Variants in MAMDC2 observed in about 807,000 individuals in gnomAD.
The protein encoded by MAMDC2 is MAM domain-containing protein 2.
A neutral mutation model predicts 89.8 loss-of-function variants in MAMDC2; 57 were observed. The ratio of observed to expected loss-of-function variants is 0.63; its 90% CI spans 0.51 to 0.79. MAMDC2 has a LOEUF of 0.79. MAMDC2 is among the 30% of genes least tolerant of loss of function. MAMDC2 has a pLI of 0.00. For missense variants in MAMDC2, 800 were observed against 820.6 expected (o/e 0.97, Z 0.31); for synonymous variants, 313 against 293.4 (o/e 1.07, Z -0.68).
chr9:70,107,249 A>G (rs965934123), intron 2 of MAMDC2, among the ~76,000 whole-genome samples: 22 of 152,326 alleles, frequency 1.4e-4, no homozygotes, highest in East Asian at 9.7e-4. Flanking sequence ...CTTGGCTTCA[A>G]TGCCCCACCA....
chr9:70,117,270 T>C (rs1037356172), intron 5 of MAMDC2, among the ~76,000 whole-genome samples: 3 of 152,164 alleles, frequency 2.0e-5, no homozygotes, highest in African/African-American at 7.2e-5. Flanking sequence ...ATGGCACATA[T>C]ACACCATGGA....
chr9:70,179,300 CAGG>C (rs1271792575), intron 11 of MAMDC2, among the ~76,000 whole-genome samples: 1 of 151,830 alleles, frequency 6.6e-6, no homozygotes, highest in Non-Finnish European at 1.5e-5. Context: ...ATCACGAGGT[CAGG>C]AGATCGAGAC....
intron 2 of MAMDC2, among the ~76,000 whole-genome samples, chr9:70,076,734 T>G (rs917995803): frequency 6.6e-6 from 1 of 152,180 alleles, no homozygotes; most frequent in African/African-American, 2.4e-5. Flanking sequence ...CACTTGCTTG[T>G]GGTAGAATGT....
At chr9:70,120,288 T>A (rs1195294731) in intron 5 of MAMDC2, among the ~76,000 whole-genome samples, 2 of 152,166 alleles carry the variant, frequency 1.3e-5, no homozygotes, top group Non-Finnish European at 2.9e-5. Context: ...CTGATCAACC[T>A]TTTTCAAGAA....
chr9:70,133,457 CCTT>C (rs1291534356), intron 7 of MAMDC2, among the ~76,000 whole-genome samples: 1 of 152,238 alleles, frequency 6.6e-6, no homozygotes, highest in African/African-American at 2.4e-5. Flanking sequence ...AGCACAGACT[CCTT>C]CTGTGCAGGA....
At chr9:70,052,615 G>C (rs918384421) in intron 2 of MAMDC2, among the ~76,000 whole-genome samples, 10 of 152,112 alleles carry the variant, frequency 6.6e-5, no homozygotes, top group African/African-American at 2.4e-4. Context: ...TCATCAGACT[G>C]TTATGTCTCT....
chr9:70,100,356 T>C (rs1215539216), intron 2 of MAMDC2, among the ~76,000 whole-genome samples: 2 of 152,220 alleles, frequency 1.3e-5, no homozygotes, highest in Non-Finnish European at 2.9e-5. Flanking sequence ...GATAGCCACA[T>C]TCAACCACTC....
chr9:70,154,798 C>T (rs1286734172), intron 9 of MAMDC2, among the ~76,000 whole-genome samples: 1 of 152,156 alleles, frequency 6.6e-6, no homozygotes, highest in Non-Finnish European at 1.5e-5. Flanking sequence ...AGGCGTGAGC[C>T]ACCGTGCTTG....
chr9:70,092,968 T>G (rs1241241815), intron 2 of MAMDC2, among the ~76,000 whole-genome samples: 1 of 152,228 alleles, frequency 6.6e-6, no homozygotes. Context: ...TTGTTCCTAC[T>G]TGCTTTTATC....
intron 9 of MAMDC2, among the ~76,000 whole-genome samples, chr9:70,145,105 T>C (rs1455397776): frequency 1.3e-5 from 2 of 152,250 alleles, no homozygotes; most frequent in Non-Finnish European, 2.9e-5. Flanking sequence ...CTAATACCTC[T>C]AGCAGAGTAG....
At chr9:70,119,834 G>A (rs2030202747) in intron 5 of MAMDC2, among the ~76,000 whole-genome samples, 1 of 152,204 alleles carries the variant, frequency 6.6e-6, no homozygotes, top group African/African-American at 2.4e-5. Flanking sequence ...AAAGGCAAAG[G>A]CTAGGGACAA....
Position 70,218,332 on chromosome 9 carries a change from T to A in MAMDC2, c.1652-5T>A, listed in dbSNP as rs774498437. 4.4e-6 allele frequency: 7 copies of A among 1,606,172 alleles called. No homozygotes were observed. The South Asian group carries it at 6.7e-5, about 15-fold the overall frequency. ...AACAATACCTGCTTTTGCATTCACC[T>A]CAAGGCTACTACATGTACATTGAGG... On this transcript the variant is annotated splice_polypyrimidine_tract_variant and splice_region_variant and intron_variant, in intron 11 of 13. Transcript: ENST00000377182.
At chr9:70,089,333 T>C (rs1231720173) in intron 2 of MAMDC2, 1 of 152,220 alleles carries the variant, frequency 6.6e-6, no homozygotes, top group African/African-American at 2.4e-5. Context: ...ATTCAGAATA[T>C]GAAGCTTCAT....
chr9:70,216,346 G>A (rs547517362), intron 11 of MAMDC2: 1 of 152,246 alleles, frequency 6.6e-6, no homozygotes, highest in African/African-American at 2.4e-5. Context: ...TCAGTTCCTG[G>A]TGAGGGCTCT....
At chr9:70,167,104 T>C (rs187331899) in intron 9 of MAMDC2, among the ~76,000 whole-genome samples, 112 of 152,244 alleles carry the variant, frequency 7.4e-4, no homozygotes, top group African/African-American at 2.6e-3. Flanking sequence ...CTAGAATCTA[T>C]AAACATGAGA....
At chr9:70,218,174 TATTC>T in intron 11 of MAMDC2, 159 bp from the exon 12 acceptor site, 3 of 672,180 alleles carry the variant, frequency 4.5e-6, no homozygotes, top group Middle Eastern at 4.1e-4. Context: ...TTTTGGAAGT[TATTC>T]ATTCTCCTTA....
At chr9:70,073,647 T>C (rs1453062054) in intron 2 of MAMDC2, among the ~76,000 whole-genome samples, 2 of 152,364 alleles carry the variant, frequency 1.3e-5, no homozygotes, top group African/African-American at 4.8e-5. Flanking sequence ...ATGTGAATTA[T>C]ATACAGGATC....
intron 2 of MAMDC2, chr9:70,081,975 T>A (rs2118132772): frequency 6.6e-6 from 1 of 152,300 alleles, no homozygotes; most frequent in Non-Finnish European, 1.5e-5. Context: ...TGTTCTTACC[T>A]GTGATAATCT....
At chr9:70,067,645 A>T (rs1185563667) in intron 2 of MAMDC2, among the ~76,000 whole-genome samples, 4 of 152,220 alleles carry the variant, frequency 2.6e-5, no homozygotes, top group Non-Finnish European at 4.4e-5. Context: ...GGGGCCAGTC[A>T]TTGGCTGGTA....
Sources: gnomAD v4.1 joint callset for allele counts (sites outside exome capture counted in the v4.1 genomes callset) on GRCh38, gnomAD v4.1.1 for gene constraint, MANE v1.5 for transcripts, NCBI Gene and HGNC (gene_info 2026-07-23, HGNC 2026-07-21) for gene names.